Variants in CACNA2D1 observed in about 807,000 individuals in gnomAD.
CACNA2D1 encodes calcium voltage-gated channel auxiliary subunit alpha2delta 1, also known as voltage-dependent calcium channel subunit alpha-2/delta-1.
A neutral mutation model predicts 171.5 loss-of-function variants in CACNA2D1; 53 were observed. The observed-to-expected ratio is 0.31, with a 90% CI of 0.25 to 0.39. CACNA2D1 has a LOEUF of 0.39. Among genes scored for constraint, CACNA2D1 ranks in the 10% least tolerant of loss-of-function variants. The pLI is 1.00. For synonymous variants in CACNA2D1, 442 were observed against 443.1 expected (o/e 1.00, Z 0.03); for missense variants, 903 against 1,299.8 (o/e 0.69, Z 4.69).
chr7:82,420,863 A>C (rs1828655352), intron 1 of CACNA2D1, among the ~76,000 whole-genome samples: 1 of 152,030 alleles, frequency 6.6e-6, no homozygotes, highest in African/African-American at 2.4e-5. Context: ...ACCTTTCTCT[A>C]ACATTGGTTG....
Position 81,950,177 on chromosome 7 carries a change from AGAT to A in CACNA2D1, c.*212_*214del. 1 of 754,000 alleles carries A rather than the reference AGAT, an allele frequency of 1.3e-6. No homozygotes were observed. The highest frequency in any genetic ancestry group is 2.7e-5 in the East Asian group (1 of 36,588). The allele number at this position is 754,000 out of a possible 1,614,324, so 46.7% of individuals were successfully genotyped here. On this transcript the variant is annotated 3_prime_UTR_variant, in exon 39 of 39. Coordinates refer to ENST00000356860, the MANE Select transcript of CACNA2D1 (RefSeq NM_000722.4). ...AGGATTTTGCTTTGATGTTACACAT[AGAT>A]GATGCAGCATTCACACACGTTTAAG...
intron 3 of CACNA2D1, among the ~76,000 whole-genome samples, chr7:82,255,605 T>C (rs1806201506): frequency 6.6e-6 from 1 of 152,262 alleles, no homozygotes; most frequent in South Asian, 2.1e-4. Context: ...AGCCCAATGA[T>C]AAAAAGAAAA....
intron 10 of CACNA2D1, among the ~76,000 whole-genome samples, chr7:82,044,408 C>A (rs1476069602): frequency 6.6e-6 from 1 of 152,044 alleles, no homozygotes; most frequent in Non-Finnish European, 1.5e-5. Context: ...CTATTTCTGG[C>A]ATGTAAAATA....
intron 3 of CACNA2D1, among the ~76,000 whole-genome samples, chr7:82,178,036 T>C (rs1009166635): frequency 3.3e-5 from 5 of 150,696 alleles, no homozygotes; most frequent in South Asian, 4.1e-4. Flanking sequence ...AATCTCATAA[T>C]ACAAATACAA....
intron 3 of CACNA2D1, among the ~76,000 whole-genome samples, chr7:82,283,091 T>A (rs996547034): frequency 2.0e-5 from 3 of 152,174 alleles, no homozygotes; most frequent in Non-Finnish European, 2.9e-5. Context: ...AGAAATCTGC[T>A]ACTACAATTG....
chr7:82,165,992 T>C (rs1445871471), intron 4 of CACNA2D1, among the ~76,000 whole-genome samples: 2 of 151,252 alleles, frequency 1.3e-5, no homozygotes, highest in African/African-American at 2.4e-5. Context: ...CAAGTGACTG[T>C]CTGTCTTCGA....
Position 82,143,632 on chromosome 7 carries a change from T to C in CACNA2D1, c.355-6956A>G, listed in dbSNP as rs1188356154. 3.9e-5 allele frequency among the ~76,000 whole-genome samples: 6 copies of C among 152,222 alleles called. No individual in the cohort carries two copies. In the East Asian group the frequency reaches 1.2e-3, roughly 29 times the overall value. ...AAGCCTAATGCAAATGGTAATTAATTGGAGTGGAAGGGGCTTATACGCATC... is the reference window on the plus strand; with the variant it reads ...AAGCCTAATGCAAATGGTAATTAATCGGAGTGGAAGGGGCTTATACGCATC... On this transcript the variant is annotated intron_variant, in intron 4 of 38. Coordinates refer to ENST00000356860, the MANE Select transcript of CACNA2D1 (RefSeq NM_000722.4).
At chr7:82,118,542 T>C (rs1789343709) in intron 5 of CACNA2D1, among the ~76,000 whole-genome samples, 1 of 152,134 alleles carries the variant, frequency 6.6e-6, no homozygotes, top group African/African-American at 2.4e-5. Flanking sequence ...TGCTTTCTGG[T>C]TTTTCCAATA....
intron 3 of CACNA2D1, among the ~76,000 whole-genome samples, chr7:82,332,724 G>A (rs922889080): frequency 6.6e-6 from 1 of 152,206 alleles, no homozygotes; most frequent in Non-Finnish European, 1.5e-5. Context: ...ACCAGGCGGG[G>A]TGCAGTGGCT....
At chr7:82,105,564 A>G (rs185337147) in intron 6 of CACNA2D1, among the ~76,000 whole-genome samples, 53 of 152,170 alleles carry the variant, frequency 3.5e-4, no homozygotes, top group Non-Finnish European at 1.5e-4. Context: ...AGTATAAATA[A>G]TACTATCTCC....
chr7:82,336,479 CTA>C (rs1450227010), intron 2 of CACNA2D1, among the ~76,000 whole-genome samples: 1 of 152,140 alleles, frequency 6.6e-6, no homozygotes, highest in African/African-American at 2.4e-5. Flanking sequence ...CTTATTCACA[CTA>C]TGAGATTTTA....
chr7:82,426,250 G>A (rs1163153963), intron 1 of CACNA2D1, among the ~76,000 whole-genome samples: 3 of 151,822 alleles, frequency 2.0e-5, no homozygotes, highest in Non-Finnish European at 2.9e-5. Context: ...GATTTCCTCT[G>A]TATAATCTGA....
At position 82,216,091 on chromosome 7, in the gene CACNA2D1, T is replaced by C. The variant is rs569320011; in HGVS notation, c.295-45482A>G. ...CTTTATCACAGATTTCTTGGCCATA[T>C]TGTCTAATTACAAAACCATGGCTCT... is the stretch of plus-strand genomic sequence containing the variant. On this transcript the variant is annotated intron_variant, in intron 3 of 38. Transcript: ENST00000356860. 1.1e-4 allele frequency among the ~76,000 whole-genome samples: 17 copies of C among 152,324 alleles called. No individual in the cohort carries two copies. The South Asian group carries it at 3.5e-3, about 32-fold the overall frequency.
intron 10 of CACNA2D1, among the ~76,000 whole-genome samples, chr7:82,049,938 G>C (rs1804999941): frequency 6.6e-6 from 1 of 152,162 alleles, no homozygotes; most frequent in Non-Finnish European, 1.5e-5. Flanking sequence ...GGCAAAAAGA[G>C]GGTCTGTTTT....
chr7:82,050,782 T>C (rs576767114), intron 10 of CACNA2D1, among the ~76,000 whole-genome samples: 1 of 152,176 alleles, frequency 6.6e-6, no homozygotes. Context: ...GATTACAATA[T>C]ATAAGCACTT....
intron 4 of CACNA2D1, among the ~76,000 whole-genome samples, chr7:82,137,710 A>AAAAAAAAAAAAAAC (rs1791819766): frequency 1.0e-5 from 1 of 99,710 alleles, no homozygotes. Flanking sequence ...TCTCTACTAA[A>AAAAAAAAAAAAAAC]AAAAAAAAAA....
intron 10 of CACNA2D1, chr7:82,050,553 C>T: frequency 1.4e-6 from 1 of 702,510 alleles, no homozygotes. Flanking sequence ...CTCATCCTCC[C>T]CTCCAGAGAG....
intron 18 of CACNA2D1, 51 bp downstream of exon 18, chr7:82,005,372 A>G (rs1330972378): frequency 1.9e-6 from 2 of 1,072,446 alleles, no homozygotes; most frequent in Non-Finnish European, 2.8e-6. Flanking sequence ...TAAGAACATT[A>G]ATCATTAATT....
rs1047010714 is a variant in CACNA2D1, at chr7:82,443,619, G to A, written c.-160C>T. 3.0e-6 allele frequency: 4 copies of A among 1,352,526 alleles called. No individual in the cohort carries two copies. Among genetic ancestry groups the A allele is most frequent in the East Asian group, 3.1e-5 (1 of 32,078 alleles). The allele number at this position is 1,352,526 out of a possible 1,614,324, so 83.8% of individuals were successfully genotyped here. ...CGAGGCGCGGAGCCGCGCGGGGGAC[G>A]GCAAGGGCGGGAGCGGACGCCGAGG... On this transcript the variant is annotated 5_prime_UTR_variant, in exon 1 of 39. Transcript: ENST00000356860.
Sources: allele counts gnomAD v4.1 joint callset (sites outside exome capture counted in the v4.1 genomes callset), GRCh38; gene constraint gnomAD v4.1.1; transcripts MANE v1.5; gene names NCBI Gene and HGNC (gene_info 2026-07-23, HGNC 2026-07-21).